SGCZ: variants seen among roughly 807,000 people sequenced by gnomAD.
SGCZ encodes the protein zeta-sarcoglycan.
SGCZ carries 40 observed loss-of-function variants against 41.3 expected under a neutral mutation model. The ratio of observed to expected loss-of-function variants is 0.97; its 90% CI spans 0.75 to 1.26. The LOEUF is 1.26. Among genes scored for constraint, SGCZ ranks in the 50% most tolerant of loss-of-function variants. The pLI is 0.00. For synonymous variants in SGCZ, 206 were observed against 137.5 expected, an observed-to-expected ratio of 1.50 and a Z score of -3.49; for missense variants, 552 against 369.8, an observed-to-expected ratio of 1.49 and a Z score of -4.04.
At chr8:14,240,718 T>C (rs532105173) in intron 3 of SGCZ, among the ~76,000 whole-genome samples, 7 of 152,212 alleles carry the variant, frequency 4.6e-5, no homozygotes, top group Admixed American at 3.9e-4. Flanking sequence ...TAAATGAAAT[T>C]TGATGCCTGT....
At chr8:14,126,904 CATTT>C (rs1166999739) in intron 5 of SGCZ, among the ~76,000 whole-genome samples, 1 of 151,886 alleles carries the variant, frequency 6.6e-6, no homozygotes, top group Non-Finnish European at 1.5e-5. Flanking sequence ...CACATGTTCT[CATTT>C]ATATATGGGA....
chr8:14,775,383 C>T (rs1023762269), intron 1 of SGCZ, among the ~76,000 whole-genome samples: 6 of 151,996 alleles, frequency 3.9e-5, no homozygotes, highest in African/African-American at 1.4e-4. Context: ...CTACCTATCA[C>T]AAAGAATCAT....
rs114736996 is a variant in SGCZ at position 15,046,239 on chromosome 8, T to C, written c.39+191346A>G. ...TGCCTAATACTCTTCACATATACCA[T>C]GGAACACTGAAGAACGAGTAAGTGC... On this transcript the variant is annotated intron_variant, in intron 1 of 7. Coordinates refer to ENST00000382080, the MANE Select transcript of SGCZ (RefSeq NM_139167.4). Among the ~76,000 whole-genome samples the C allele has an allele frequency of 7.4e-3, 1,129 of 152,170 alleles. 16 individuals carry two copies. Among genetic ancestry groups the C allele is most frequent in the African/African-American group, 0.026 (1,081 of 41,548 alleles).
chr8:14,484,781 A>T (rs1462078627), intron 2 of SGCZ, among the ~76,000 whole-genome samples: 1 of 152,246 alleles, frequency 6.6e-6, no homozygotes, highest in African/African-American at 2.4e-5. Flanking sequence ...CACATAATAC[A>T]ACTACAGAAA....
chr8:14,223,142 T>C (rs962574390), intron 4 of SGCZ, among the ~76,000 whole-genome samples: 2 of 152,106 alleles, frequency 1.3e-5, no homozygotes, highest in East Asian at 1.9e-4. Context: ...ATCTTCATCT[T>C]ACATCGAATT....
At chr8:15,068,677 T>G (rs1461714717) in intron 1 of SGCZ, among the ~76,000 whole-genome samples, 1 of 152,214 alleles carries the variant, frequency 6.6e-6, no homozygotes, top group Non-Finnish European at 1.5e-5. Flanking sequence ...ATGTGAAGCT[T>G]GAAAACAATA....
intron 1 of SGCZ, among the ~76,000 whole-genome samples, chr8:14,943,963 C>G (rs146701434): frequency 2.0e-5 from 3 of 152,164 alleles, no homozygotes; most frequent in African/African-American, 7.2e-5. Flanking sequence ...TTTCTTTATC[C>G]AGTCTACTGT....
intron 2 of SGCZ, among the ~76,000 whole-genome samples, chr8:14,473,824 G>C (rs1388753451): frequency 6.6e-6 from 1 of 151,726 alleles, no homozygotes; most frequent in Admixed American, 6.6e-5. Context: ...CGTAGTCCCA[G>C]CTACTCGGGA....
intron 1 of SGCZ, among the ~76,000 whole-genome samples, chr8:14,761,640 C>G (rs1799881339): frequency 6.6e-6 from 1 of 151,366 alleles, no homozygotes; most frequent in African/African-American, 2.4e-5. Context: ...TCGAACAATT[C>G]AGCTTCAGGA....
intron 2 of SGCZ, among the ~76,000 whole-genome samples, chr8:14,466,025 A>G (rs1801039483): frequency 6.6e-6 from 1 of 151,958 alleles, no homozygotes; most frequent in African/African-American, 2.4e-5. Flanking sequence ...ACTAGCTTTC[A>G]TAATTGCTCA....
At chr8:14,623,243 G>C (rs1486396675) in intron 1 of SGCZ, among the ~76,000 whole-genome samples, 1 of 152,116 alleles carries the variant, frequency 6.6e-6, no homozygotes, top group Non-Finnish European at 1.5e-5. Flanking sequence ...TTCAAATCAA[G>C]CTTGCAAAAC....
chr8:15,081,026 C>A (rs879582803), intron 1 of SGCZ, among the ~76,000 whole-genome samples: 1 of 152,088 alleles, frequency 6.6e-6, no homozygotes, highest in Non-Finnish European at 1.5e-5. Context: ...AGCAACGCTG[C>A]CAACACCTTG....
At chr8:15,020,457 G>A (rs553059717) in intron 1 of SGCZ, among the ~76,000 whole-genome samples, 1 of 152,172 alleles carries the variant, frequency 6.6e-6, no homozygotes, top group East Asian at 1.9e-4. Context: ...GGACATGGGT[G>A]CATATATATA....
rs543739492 is a variant in SGCZ at position 14,337,135 on chromosome 8, C to A, written c.235-12931G>T. Among the ~76,000 whole-genome samples, 9 of 152,250 alleles carry A rather than the reference C, an allele frequency of 5.9e-5. No individual in the cohort carries two copies. The South Asian group carries it at 1.9e-3, about 32-fold the overall frequency. ...TATACACCTTTAGAAGTAGGCCACC[C>A]CTCCCAATATATGGCTGGAACTCCC... On this transcript the variant is annotated intron_variant, in intron 2 of 7. Coordinates refer to ENST00000382080, the MANE Select transcript of SGCZ (RefSeq NM_139167.4).
Position 14,658,605 on chromosome 8 carries a change from C to G in SGCZ, c.40-103679G>C, listed in dbSNP as rs549418376. Among the ~76,000 whole-genome samples the G allele has an allele frequency of 1.1e-3, 161 of 152,278 alleles. 1 individual carries two copies. Among genetic ancestry groups the G allele is most frequent in the African/African-American group, 3.8e-3 (157 of 41,562 alleles). On this transcript the variant is annotated intron_variant, in intron 1 of 7. Coordinates refer to ENST00000382080, the MANE Select transcript of SGCZ (RefSeq NM_139167.4). Reference sequence around the variant, plus strand: ...TTCTTACTTAGATTATACCAGATCTCTTGAGTCCTGCTCTCTGTCCTATTT... The same window carrying G: ...TTCTTACTTAGATTATACCAGATCTGTTGAGTCCTGCTCTCTGTCCTATTT...
intron 1 of SGCZ, among the ~76,000 whole-genome samples, chr8:14,800,896 CA>C (rs1344361263): frequency 1.8e-5 from 2 of 114,060 alleles, no homozygotes; most frequent in East Asian, 7.8e-4. Flanking sequence ...CACAAGCAAA[CA>C]AAAAACATCA....
intron 1 of SGCZ, among the ~76,000 whole-genome samples, chr8:15,180,149 G>A (rs1234197137): frequency 1.3e-5 from 2 of 152,104 alleles, no homozygotes; most frequent in African/African-American, 4.8e-5. Context: ...ATGATAACAA[G>A]GAAAAACTAT....
intron 1 of SGCZ, among the ~76,000 whole-genome samples, chr8:15,049,633 T>G (rs1213124172): frequency 3.3e-5 from 5 of 152,160 alleles, no homozygotes; most frequent in Non-Finnish European, 5.9e-5. Flanking sequence ...AGTTATGCAG[T>G]GCACACATGC....
chr8:14,985,837 C>T (rs918294039), intron 1 of SGCZ, among the ~76,000 whole-genome samples: 1 of 152,140 alleles, frequency 6.6e-6, no homozygotes, highest in Non-Finnish European at 1.5e-5. Context: ...ATTTTAGAAA[C>T]AATAAATCTT....
Sources: gnomAD v4.1 joint callset for allele counts (sites outside exome capture counted in the v4.1 genomes callset) on GRCh38, gnomAD v4.1.1 for gene constraint, MANE v1.5 for transcripts, NCBI Gene and HGNC (gene_info 2026-07-23, HGNC 2026-07-21) for gene names.